Variants in CD226 observed in about 807,000 individuals in gnomAD.
CD226 encodes the protein CD226 molecule, also known as CD226 antigen.
In CD226, 24 loss-of-function variants were observed where a neutral mutation model predicts 34.9. The ratio of observed to expected loss-of-function variants is 0.69; its 90% confidence interval spans 0.50 to 0.97. The LOEUF is 0.97. CD226 is among the 50% of genes least tolerant of loss of function. The probability of loss-of-function intolerance (pLI) is 0.00; values close to 1 mark genes in which losing one functional copy is unlikely to be tolerated. For missense variants in CD226, 397 were observed against 412.7 expected (o/e 0.96, Z 0.33); for synonymous variants, 148 against 147.4 (o/e 1.00, Z -0.03).
chr18:69,934,773 A>G (rs1312477406), intron 2 of CD226, among the ~76,000 whole-genome samples: 2 of 152,240 alleles, frequency 1.3e-5, no homozygotes, highest in Non-Finnish European at 2.9e-5. Flanking sequence ...AAGTGCCAGA[A>G]GCCCCATCAA....
intron 2 of CD226, among the ~76,000 whole-genome samples, chr18:69,901,097 C>T (rs1415608687): frequency 6.6e-6 from 1 of 151,922 alleles, no homozygotes; most frequent in Non-Finnish European, 1.5e-5. Flanking sequence ...AGCAGAGAAA[C>T]GTATCAAATG....
At chr18:69,950,971 TTGTGTG>T (rs57098005), upstream of CD226, among the ~76,000 whole-genome samples, 10,476 of 132,272 alleles carry the variant, frequency 0.079, 417 homozygotes, top group African/African-American at 0.1. Flanking sequence ...AACTATGATT[TTGTGTG>T]TGTGTGTGTG....
intron 4 of CD226, among the ~76,000 whole-genome samples, chr18:69,868,041 C>T (rs755930920): frequency 2.6e-5 from 4 of 152,124 alleles, no homozygotes; most frequent in Non-Finnish European, 4.4e-5. Flanking sequence ...GGAATCACTT[C>T]GCCGTGACTG....
At chr18:69,952,557 A>G (rs2055863336), upstream of CD226, among the ~76,000 whole-genome samples, 1 of 152,224 alleles carries the variant, frequency 6.6e-6, no homozygotes, top group African/African-American at 2.4e-5. Context: ...CCACATGCAA[A>G]AGCATGAAAT....
At chr18:69,934,631 T>C (rs951287550) in intron 2 of CD226, among the ~76,000 whole-genome samples, 2 of 152,350 alleles carry the variant, frequency 1.3e-5, no homozygotes, top group South Asian at 2.1e-4. Flanking sequence ...CAGTATTCTA[T>C]GAAACATGGC....
At chr18:69,937,406 T>C (rs1486175684) in intron 2 of CD226, among the ~76,000 whole-genome samples, 1 of 152,220 alleles carries the variant, frequency 6.6e-6, no homozygotes, top group Non-Finnish European at 1.5e-5. Context: ...CCAAATTTTC[T>C]GGGTTGGCAG....
chr18:69,933,849 C>A (rs191535073), intron 2 of CD226, among the ~76,000 whole-genome samples: 34 of 152,260 alleles, frequency 2.2e-4, no homozygotes, highest in Admixed American at 2.0e-3. Context: ...CAAAGAAACA[C>A]AATGTGAGTA....
intron 2 of CD226, 26 bp downstream of exon 2, chr18:69,946,708 T>TTAA: frequency 8.1e-7 from 1 of 1,238,340 alleles, no homozygotes; most frequent in Non-Finnish European, 1.1e-6. Context: ...AAAAGGGATT[T>TTAA]AAAAAAAAAA....
At chr18:69,934,780 T>C (rs1599022435) in intron 2 of CD226, among the ~76,000 whole-genome samples, 2 of 152,310 alleles carry the variant, frequency 1.3e-5, no homozygotes, top group East Asian at 3.9e-4. Flanking sequence ...AGAAGCCCCA[T>C]CAACTGAGTT....
chr18:69,907,452 C>A (rs1254140644), intron 2 of CD226, among the ~76,000 whole-genome samples: 1 of 152,112 alleles, frequency 6.6e-6, no homozygotes, highest in Non-Finnish European at 1.5e-5. Flanking sequence ...GGATTACAGG[C>A]ACACACCACC....
intron 3 of CD226, among the ~76,000 whole-genome samples, chr18:69,882,023 G>A (rs1984293321): frequency 6.6e-6 from 1 of 152,180 alleles, no homozygotes; most frequent in Admixed American, 6.5e-5. Context: ...GAGAATTAAA[G>A]GGCCATGGCT....
At chr18:69,910,250 G>A (rs2055307655) in intron 2 of CD226, among the ~76,000 whole-genome samples, 1 of 152,238 alleles carries the variant, frequency 6.6e-6, no homozygotes, top group Non-Finnish European at 1.5e-5. Flanking sequence ...ACACAGAAAG[G>A]AGAAATAGGA....
chr18:69,956,217 C>T lies in CD226; in HGVS notation c.-28+538G>A, dbSNP rs114790457. On this transcript the variant is annotated intron_variant, in intron 1 of 6. Coordinates refer to the CD226 transcript ENST00000280200. ...GCTCACTTGGTTACATACCATCCAC[C>T]GCTGTTTTTGTGCTGCAATGCTGGA... is the stretch of plus-strand genomic sequence containing the variant. Among the ~76,000 whole-genome samples, 448 of 152,342 alleles carry T rather than the reference C, an allele frequency of 2.9e-3. 3 individuals are homozygous for T. Among genetic ancestry groups the T allele is most frequent in the Middle Eastern group, 0.01 (3 of 294 alleles).
Position 69,889,078 on chromosome 18 carries a change from CAGTAA to C in CD226, c.727+6618_727+6622del, listed in dbSNP as rs549720864. Among the ~76,000 whole-genome samples, 409 of 151,732 alleles carry C rather than the reference CAGTAA, an allele frequency of 2.7e-3. 3 individuals are homozygous for C. Among genetic ancestry groups the C allele is most frequent in the African/African-American group, 9.2e-3 (379 of 41,344 alleles). On this transcript the variant is annotated intron_variant, in intron 3 of 5. Coordinates refer to ENST00000582621, the MANE Select transcript of CD226 (RefSeq NM_001303618.2). ...AAAAAAATGATCTGGGCAGAGGCAA[CAGTAA>C]AGTAAAGATTCAACCACATAATAGC...
At chr18:69,917,666 T>G (rs1347739000) in intron 2 of CD226, among the ~76,000 whole-genome samples, 2 of 152,192 alleles carry the variant, frequency 1.3e-5, no homozygotes, top group African/African-American at 2.4e-5. Context: ...AGTTGATAGT[T>G]TGAGTTTACT....
chr18:69,868,803 GCACACACACACACA>G (rs56351883), intron 4 of CD226, among the ~76,000 whole-genome samples: 1 of 150,904 alleles, frequency 6.6e-6, no homozygotes, highest in Non-Finnish European at 1.5e-5. Flanking sequence ...GCGCGTGCAC[GCACACACACACACA>G]CACACACAGA....
At chr18:69,907,838 G>T (rs1002829228) in intron 2 of CD226, among the ~76,000 whole-genome samples, 2 of 152,118 alleles carry the variant, frequency 1.3e-5, no homozygotes, top group African/African-American at 4.8e-5. Context: ...AAAATTTCTA[G>T]AGAGTGAATT....
upstream of CD226, among the ~76,000 whole-genome samples, chr18:69,961,364 C>T (rs573959188): frequency 6.6e-6 from 1 of 152,166 alleles, no homozygotes; most frequent in Non-Finnish European, 1.5e-5. Context: ...GAATTTTATA[C>T]TCTTTTACAT....
chr18:69,873,299 A>G (rs1298897110), intron 3 of CD226, 53 bp from the exon 4 acceptor site: 1 of 886,386 alleles, frequency 1.1e-6, no homozygotes, highest in Non-Finnish European at 1.8e-6. Flanking sequence ...AAAGGCAGTA[A>G]AAAGTAAGGC....
Sources: gnomAD v4.1 joint callset for allele counts (sites outside exome capture counted in the v4.1 genomes callset) on GRCh38, gnomAD v4.1.1 for gene constraint, MANE v1.5 for transcripts, NCBI Gene and HGNC (gene_info 2026-07-23, HGNC 2026-07-21) for gene names.